ERBB4: variants seen among roughly 807,000 people sequenced by gnomAD.
The protein encoded by ERBB4 is receptor tyrosine-protein kinase erbB-4.
ERBB4 carries 42 observed loss-of-function variants against 158.0 expected under a neutral mutation model. The observed-to-expected ratio is 0.27, with a 90% CI of 0.21 to 0.34. ERBB4 has a LOEUF of 0.34. ERBB4 is among the 10% of genes least tolerant of loss of function. ERBB4 has a pLI of 1.00. For synonymous variants in ERBB4, 583 were observed against 558.7 expected, an observed-to-expected ratio of 1.04 and a Z score of -0.61; for missense variants, 1,333 against 1,624.1, an observed-to-expected ratio of 0.82 and a Z score of 3.08.
At chr2:211,551,458 CT>C (rs1217093050) in intron 20 of ERBB4, among the ~76,000 whole-genome samples, 1 of 151,964 alleles carries the variant, frequency 6.6e-6, no homozygotes, top group Non-Finnish European at 1.5e-5. Flanking sequence ...TAATATTTAT[CT>C]TTTATCGTGC....
chr2:212,405,376 T>C (rs186183406), intron 1 of ERBB4, among the ~76,000 whole-genome samples: 65 of 152,152 alleles, frequency 4.3e-4, no homozygotes, highest in South Asian at 6.2e-4. Flanking sequence ...AACACTTATA[T>C]ACCGTTAGCA....
rs115423571 is a variant in ERBB4, at chr2:211,793,175, A to G, written c.422-5016T>C. 2.1e-3 allele frequency among the ~76,000 whole-genome samples: 316 copies of G among 152,036 alleles called. 1 individual carries two copies. The highest frequency in any genetic ancestry group is 7.2e-3 in the African/African-American group (298 of 41,544). ...TTTCTCTTTTTCCAAAATAAAGATT[A>G]TAATTTTAAATGCAGTTACACTATA... is the stretch of plus-strand genomic sequence containing the variant. On this transcript the variant is annotated intron_variant, in intron 3 of 27. Coordinates refer to ENST00000342788, the MANE Select transcript of ERBB4 (RefSeq NM_005235.3).
chr2:211,610,182 A>AT (rs910850924), intron 19 of ERBB4, among the ~76,000 whole-genome samples: 1 of 151,964 alleles, frequency 6.6e-6, no homozygotes. Context: ...TTTTTATTAG[A>AT]TTTTTAGATG....
rs878944435 is a variant in ERBB4 at position 211,383,242 on chromosome 2, T to TAA, written c.*371_*372dup. Reference sequence around the variant, plus strand: ...GCATGGGTGTTTCAACCATCTGCTTTAAAAAAAAAAAAAAAAAAGAAGAGG... The same window carrying TAA: ...GCATGGGTGTTTCAACCATCTGCTTTAAAAAAAAAAAAAAAAAAAAGAAGAGG... On this transcript the variant is annotated 3_prime_UTR_variant, in exon 28 of 28. Coordinates refer to ENST00000342788, the MANE Select transcript of ERBB4 (RefSeq NM_005235.3). 2,475 of 216,324 alleles carry TAA rather than the reference T, an allele frequency of 0.011. 57 individuals carry two copies. The highest frequency in any genetic ancestry group is 0.059 in the African/African-American group (2,028 of 34,214). The allele number at this position is 216,324 out of a possible 1,614,324, so 13.4% of individuals were successfully genotyped here.
chr2:211,407,079 CA>C (rs2063162545), intron 25 of ERBB4, among the ~76,000 whole-genome samples: 1 of 151,552 alleles, frequency 6.6e-6, no homozygotes, highest in African/African-American at 2.4e-5. Flanking sequence ...GACTCTGTCT[CA>C]AAAAAATAAA....
chr2:212,143,758 C>T (rs956599373), intron 1 of ERBB4, among the ~76,000 whole-genome samples: 1 of 152,136 alleles, frequency 6.6e-6, no homozygotes, highest in Non-Finnish European at 1.5e-5. Flanking sequence ...TGGCTCATGC[C>T]TGTAATCCCA....
intron 20 of ERBB4, among the ~76,000 whole-genome samples, chr2:211,549,946 T>C (rs1256499764): frequency 6.6e-6 from 1 of 152,254 alleles, no homozygotes; most frequent in Middle Eastern, 3.4e-3. Context: ...GACTTCCTTA[T>C]ACATGATAAA....
intron 20 of ERBB4, among the ~76,000 whole-genome samples, chr2:211,477,206 G>T (rs2064975870): frequency 6.6e-6 from 1 of 152,050 alleles, no homozygotes; most frequent in Non-Finnish European, 1.5e-5. Flanking sequence ...GACTTGAACT[G>T]CAACTCTTCC....
chr2:211,877,335 C>T (rs1255131300), intron 3 of ERBB4, among the ~76,000 whole-genome samples: 1 of 150,828 alleles, frequency 6.6e-6, no homozygotes, highest in African/African-American at 2.4e-5. Flanking sequence ...TCTGAACTCA[C>T]TACCTCCAGA....
chr2:211,984,614 G>T lies in ERBB4; in HGVS notation c.235-36998C>A, dbSNP rs144296765. 7.1e-3 allele frequency among the ~76,000 whole-genome samples: 1,073 copies of T among 152,050 alleles called. 11 individuals carry two copies. Among genetic ancestry groups the T allele is most frequent in the African/African-American group, 0.024 (982 of 41,476 alleles). On this transcript the variant is annotated intron_variant, in intron 2 of 27. Transcript: ENST00000342788. The stretch of plus-strand genomic sequence containing the variant: ...ACATTGTGTCCTCAATGCCTAGTAT[G>T]CTGATGGAATAAAGAAGGTATCTAA...
At chr2:212,449,672 GCATT>G (rs2092416518) in intron 1 of ERBB4, among the ~76,000 whole-genome samples, 1 of 151,784 alleles carries the variant, frequency 6.6e-6, no homozygotes, top group African/African-American at 2.4e-5. Context: ...TATTCACATT[GCATT>G]AATTTTTGAC....
intron 2 of ERBB4, among the ~76,000 whole-genome samples, chr2:211,968,184 A>G (rs565034075): frequency 2.1e-4 from 32 of 152,042 alleles, no homozygotes; most frequent in African/African-American, 7.0e-4. Flanking sequence ...TCATCTCACA[A>G]ACTTGTGATT....
intron 1 of ERBB4, among the ~76,000 whole-genome samples, chr2:212,463,606 A>G (rs1376499911): frequency 6.6e-6 from 1 of 152,096 alleles, no homozygotes; most frequent in Non-Finnish European, 1.5e-5. Flanking sequence ...ATTTGATAGT[A>G]AAAGAAAAAA....
At chr2:212,491,000 C>T (rs934633345) in intron 1 of ERBB4, among the ~76,000 whole-genome samples, 4 of 151,632 alleles carry the variant, frequency 2.6e-5, no homozygotes, top group Admixed American at 2.6e-4. Context: ...TTTCAGTCTT[C>T]TCCTTTTCAC....
intron 3 of ERBB4, among the ~76,000 whole-genome samples, chr2:211,868,943 C>T (rs774961862): frequency 2.3e-4 from 35 of 152,166 alleles, no homozygotes; most frequent in Non-Finnish European, 4.0e-4. Context: ...AACCATGATG[C>T]TTGTCTTGAT....
At chr2:211,867,056 G>A (rs1376931197) in intron 3 of ERBB4, among the ~76,000 whole-genome samples, 2 of 107,156 alleles carry the variant, frequency 1.9e-5, no homozygotes, top group African/African-American at 7.0e-5. Flanking sequence ...AAAAAAGATC[G>A]TGTTCTTTCC....
At chr2:212,185,302 G>A (rs1316749935) in intron 1 of ERBB4, among the ~76,000 whole-genome samples, 1 of 151,604 alleles carries the variant, frequency 6.6e-6, no homozygotes, top group Non-Finnish European at 1.5e-5. Context: ...GATTAGAGGT[G>A]TGAACCACCA....
chr2:211,544,123 A>G (rs1474705906), intron 20 of ERBB4, among the ~76,000 whole-genome samples: 2 of 151,944 alleles, frequency 1.3e-5, no homozygotes, highest in Non-Finnish European at 2.9e-5. Context: ...ATAAATTATC[A>G]CCCCACCTAG....
intron 1 of ERBB4, among the ~76,000 whole-genome samples, chr2:212,385,304 T>C (rs750993410): frequency 7.2e-5 from 11 of 151,808 alleles, no homozygotes; most frequent in Non-Finnish European, 1.3e-4. Context: ...GATAAAGGTA[T>C]TCAAATATAT....
Sources: gnomAD v4.1 joint callset for allele counts (sites outside exome capture counted in the v4.1 genomes callset) on GRCh38, gnomAD v4.1.1 for gene constraint, MANE v1.5 for transcripts, NCBI Gene and HGNC (gene_info 2026-07-23, HGNC 2026-07-21) for gene names.